Variants in FBXL17 observed in about 807,000 individuals in gnomAD.
FBXL17 encodes the protein F-box and leucine rich repeat protein 17.
In FBXL17, 22 loss-of-function variants were observed where a neutral mutation model predicts 66.2. That is an observed-to-expected ratio of 0.33 (90% confidence interval 0.24 to 0.47). FBXL17 has a LOEUF of 0.47. Ranked by LOEUF, FBXL17 falls within the 20% of genes least tolerant of loss-of-function variation. The pLI, the probability that FBXL17 is intolerant of heterozygous loss-of-function variation, is 1.00. For missense variants in FBXL17, 878 were observed against 948.2 expected (o/e 0.93, Z 0.97); for synonymous variants, 474 against 400.5 (o/e 1.18, Z -2.19).
intron 4 of FBXL17, among the ~76,000 whole-genome samples, chr5:108,347,712 G>A (rs559398235): frequency 5.2e-4 from 79 of 152,178 alleles, no homozygotes; most frequent in African/African-American, 1.7e-3. Flanking sequence ...ATGGGCACAG[G>A]ATTTTTTTAG....
intron 6 of FBXL17, among the ~76,000 whole-genome samples, chr5:108,027,786 A>G (rs1348330994): frequency 6.6e-6 from 1 of 152,150 alleles, no homozygotes; most frequent in African/African-American, 2.4e-5. Context: ...GGACTAAAGG[A>G]AACGCTAGAA....
At chr5:108,123,902 C>T (rs898872941) in intron 6 of FBXL17, among the ~76,000 whole-genome samples, 7 of 152,092 alleles carry the variant, frequency 4.6e-5, no homozygotes, top group Middle Eastern at 3.2e-3. Flanking sequence ...TTAATTCCCA[C>T]GGAACCTACG....
intron 3 of FBXL17, among the ~76,000 whole-genome samples, chr5:108,358,227 G>A (rs1748122370): frequency 6.6e-6 from 1 of 152,026 alleles, no homozygotes; most frequent in African/African-American, 2.4e-5. Flanking sequence ...AAACAGGATT[G>A]CCAAAAGCAG....
chr5:108,060,971 T>C (rs1747897246), intron 6 of FBXL17, among the ~76,000 whole-genome samples: 1 of 151,996 alleles, frequency 6.6e-6, no homozygotes, highest in Admixed American at 6.6e-5. Context: ...GCCAGCAAGA[T>C]GATCTGGGTT....
chr5:108,045,475 T>G (rs1431949859), intron 6 of FBXL17, among the ~76,000 whole-genome samples: 1 of 151,986 alleles, frequency 6.6e-6, no homozygotes, highest in East Asian at 1.9e-4. Flanking sequence ...AATAATAATT[T>G]CTTTCCTTCT....
intron 7 of FBXL17, among the ~76,000 whole-genome samples, chr5:107,901,248 G>A (rs954302758): frequency 6.6e-6 from 1 of 152,058 alleles, no homozygotes; most frequent in Non-Finnish European, 1.5e-5. Context: ...CTTTACAGTG[G>A]GTTACTTCAT....
chr5:107,957,376 A>AT (rs1403789986), intron 7 of FBXL17, among the ~76,000 whole-genome samples: 1 of 151,940 alleles, frequency 6.6e-6, no homozygotes, highest in East Asian at 1.9e-4. Flanking sequence ...AGGAAACAAG[A>AT]TTTTTTCCCA....
intron 7 of FBXL17, among the ~76,000 whole-genome samples, chr5:107,910,884 A>C (rs1434089009): frequency 6.6e-6 from 1 of 152,110 alleles, no homozygotes; most frequent in Admixed American, 6.6e-5. Flanking sequence ...ACTTTATTAA[A>C]GGACATTAAG....
At chr5:107,990,780 C>A (rs1440737873) in intron 7 of FBXL17, among the ~76,000 whole-genome samples, 1 of 152,132 alleles carries the variant, frequency 6.6e-6, no homozygotes, top group Non-Finnish European at 1.5e-5. Context: ...ACATGAAAGA[C>A]AAGGTCCCTG....
intron 6 of FBXL17, among the ~76,000 whole-genome samples, chr5:108,085,478 C>T (rs796090607): frequency 1.3e-5 from 2 of 152,148 alleles, no homozygotes; most frequent in Non-Finnish European, 2.9e-5. Context: ...GATGGCTGAG[C>T]GTAGGCTAAG....
chr5:107,869,372 A>G (rs1748379076), intron 8 of FBXL17, among the ~76,000 whole-genome samples: 1 of 152,204 alleles, frequency 6.6e-6, no homozygotes, highest in South Asian at 2.1e-4. Context: ...AACGGACCTT[A>G]ATGTGCTTTC....
intron 7 of FBXL17, among the ~76,000 whole-genome samples, chr5:107,980,145 C>T (rs908734058): frequency 6.6e-6 from 1 of 151,994 alleles, no homozygotes; most frequent in African/African-American, 2.4e-5. Flanking sequence ...AGGGAGAGAG[C>T]TTCCAGTTTC....
intron 1 of FBXL17, among the ~76,000 whole-genome samples, chr5:108,369,693 G>A (rs1369563795): frequency 2.0e-5 from 3 of 151,708 alleles, no homozygotes; most frequent in South Asian, 2.1e-4. Context: ...GATGGTTAGG[G>A]TCAGGATGAA....
At chr5:108,227,909 A>T (rs1755165749) in intron 4 of FBXL17, among the ~76,000 whole-genome samples, 1 of 152,152 alleles carries the variant, frequency 6.6e-6, no homozygotes, top group Non-Finnish European at 1.5e-5. Context: ...GGGGTAACAG[A>T]GGTTAAGTAC....
chr5:107,955,870 CA>C (rs1751647110), intron 7 of FBXL17, among the ~76,000 whole-genome samples: 1 of 152,092 alleles, frequency 6.6e-6, no homozygotes, highest in Non-Finnish European at 1.5e-5. Context: ...AAAGGTTCCT[CA>C]AAATACTAAT....
chr5:107,868,350 T>G (rs1298587162), intron 8 of FBXL17, among the ~76,000 whole-genome samples: 1 of 152,216 alleles, frequency 6.6e-6, no homozygotes, highest in Non-Finnish European at 1.5e-5. Context: ...CATTTCAAAG[T>G]CCTTGATAAT....
At chr5:108,306,295 T>C (rs746924003) in intron 4 of FBXL17, among the ~76,000 whole-genome samples, 1 of 152,118 alleles carries the variant, frequency 6.6e-6, no homozygotes, top group African/African-American at 2.4e-5. Context: ...CTGGTGATTA[T>C]GCATTTAATA....
At chr5:107,951,289 G>A (rs1259891120) in intron 7 of FBXL17, among the ~76,000 whole-genome samples, 1 of 152,242 alleles carries the variant, frequency 6.6e-6, no homozygotes, top group East Asian at 1.9e-4. Context: ...TCTGCTGAGA[G>A]AATATCAGAA....
intron 6 of FBXL17, among the ~76,000 whole-genome samples, chr5:108,066,568 G>C (rs1037806461): frequency 6.6e-6 from 1 of 151,802 alleles, no homozygotes; most frequent in Non-Finnish European, 1.5e-5. Context: ...AACTAATGCA[G>C]GACATGTAAA....
Sources: gnomAD v4.1 joint callset for allele counts (sites outside exome capture counted in the v4.1 genomes callset) on GRCh38, gnomAD v4.1.1 for gene constraint, MANE v1.5 for transcripts, NCBI Gene and HGNC (gene_info 2026-07-23, HGNC 2026-07-21) for gene names.